VPS26C: variants seen among roughly 807,000 people sequenced by gnomAD.
VPS26C encodes VPS26 endosomal protein sorting factor C, also known as vacuolar protein sorting-associated protein 26C.
Under a neutral mutation model 30.6 loss-of-function variants are expected in VPS26C, and 19 were observed. That is an observed-to-expected ratio of 0.62 (90% CI 0.43 to 0.91). VPS26C has a LOEUF of 0.91. Among genes scored for constraint, VPS26C ranks in the 40% least tolerant of loss-of-function variants. VPS26C has a pLI of 0.00. For synonymous variants in VPS26C, 132 were observed against 151.5 expected (o/e 0.87, Z 0.95); for missense variants, 318 against 385.1 (o/e 0.83, Z 1.46).
intron 1 of VPS26C, among the ~76,000 whole-genome samples, chr21:37,251,402 C>CT (rs1242059816): frequency 6.6e-6 from 1 of 152,172 alleles, no homozygotes; most frequent in Admixed American, 6.5e-5. Context: ...CTTCATTTAT[C>CT]TTAAGAACTG....
intron 1 of VPS26C, among the ~76,000 whole-genome samples, chr21:37,258,922 C>T (rs554650971): frequency 2.0e-5 from 3 of 152,290 alleles, no homozygotes; most frequent in Admixed American, 6.5e-5. Flanking sequence ...CAGACAATCT[C>T]GGATAATTCT....
chr21:37,227,293 G>C (rs1479283511), intron 7 of VPS26C: 4 of 209,802 alleles, frequency 1.9e-5, no homozygotes, highest in Admixed American at 5.6e-5. Context: ...ACAGAGCTCA[G>C]CGTCACCTGC....
At chr21:37,238,754 G>C (rs2086051941) in intron 2 of VPS26C, 145 bp from the exon 3 acceptor site, 1 of 843,378 alleles carries the variant, frequency 1.2e-6, no homozygotes, top group Non-Finnish European at 1.8e-6. Context: ...TGGGTCTGGA[G>C]ATGAACAGTG....
At chr21:37,240,407 G>A (rs2086073034) in intron 2 of VPS26C, 89 bp downstream of exon 2, 2 of 1,461,790 alleles carry the variant, frequency 1.4e-6, no homozygotes, top group Non-Finnish European at 1.9e-6. Flanking sequence ...TTACAGGCCT[G>A]AGCCACTGCG....
rs1220291506 is a variant in VPS26C, at chr21:37,232,575, G to GT, written c.433-125_433-124insA. The GT allele has an allele frequency of 3.8e-6, 3 of 798,918 alleles. No homozygotes were observed. The African/African-American group carries it at 5.0e-5, about 13-fold the overall frequency. 49.5% of individuals were successfully genotyped at this position (798,918 alleles called of 1,614,324 possible). A position where few individuals can be genotyped will look rare whatever the true frequency, so the allele number is the denominator to read the frequency against. On this transcript the variant is annotated intron_variant, in intron 4 of 7. Coordinates refer to ENST00000309117, the MANE Select transcript of VPS26C (RefSeq NM_006052.2). ...CGATGCAGGAAGGACGGGGAACTAA[G>GT]AGGCGCAAGCCTGGGTCCTGAACAC... is the stretch of plus-strand genomic sequence containing the variant.
In VPS26C at chr21:37,265,004, A is replaced by G. The variant is rs567583391; in HGVS notation, c.57+2234T>C. ...GCTATGACAAGCATGAACACTGAAC[A>G]TTACTCGAAGTAAAAGAAGCCTGTC... On this transcript the variant is annotated intron_variant, in intron 1 of 7. Transcript: ENST00000309117. Among the ~76,000 whole-genome samples the G allele has an allele frequency of 8.5e-5, 13 of 152,356 alleles. No homozygotes were observed. In the East Asian group the frequency reaches 1.9e-3, roughly 23 times the overall value.
chr21:37,260,987 T>G (rs2086298230), intron 1 of VPS26C: 1 of 152,224 alleles, frequency 6.6e-6, no homozygotes, highest in Non-Finnish European at 1.5e-5. Flanking sequence ...TCTTCTGCAT[T>G]TTGTTTAAAT....
At chr21:37,258,588 G>A (rs2086271292) in intron 1 of VPS26C, among the ~76,000 whole-genome samples, 1 of 152,174 alleles carries the variant, frequency 6.6e-6, no homozygotes, top group African/African-American at 2.4e-5. Context: ...AGAAGGTGTA[G>A]GCTGCAGGTT....
In VPS26C at chr21:37,228,767, C is replaced by G. The variant is rs555768286; in HGVS notation, c.508-394G>C. ...AAAGTCCTGGCCAGGCACAGTGGCT[C>G]AGGCCCGTAATCCCAGGGCTTTGGG... On this transcript the variant is annotated intron_variant, in intron 5 of 7. Coordinates refer to ENST00000309117, the MANE Select transcript of VPS26C (RefSeq NM_006052.2). The G allele has an allele frequency of 1.4e-3, 232 of 167,266 alleles. 1 individual carries two copies. The highest frequency in any genetic ancestry group is 2.3e-3 in the Non-Finnish European group (180 of 77,298). The allele number at this position is 167,266 out of a possible 1,614,324, so 10.4% of individuals were successfully genotyped here. A position where few individuals can be genotyped will look rare whatever the true frequency, so the allele number is the denominator to read the frequency against.
intron 2 of VPS26C, among the ~76,000 whole-genome samples, chr21:37,239,465 AAC>A (rs2148291736): frequency 6.6e-6 from 1 of 152,378 alleles, no homozygotes; most frequent in South Asian, 2.1e-4. Flanking sequence ...TGACAAAAAC[AAC>A]AGTTACTTGC....
intron 2 of VPS26C, among the ~76,000 whole-genome samples, chr21:37,238,980 G>A (rs115304706): frequency 0.012 from 1,815 of 152,166 alleles, 38 homozygotes; most frequent in African/African-American, 0.04. Flanking sequence ...GTGAACCCAC[G>A]GCTCCCCCTC....
At chr21:37,264,997 A>C (rs2086343879) in intron 1 of VPS26C, among the ~76,000 whole-genome samples, 1 of 152,230 alleles carries the variant, frequency 6.6e-6, no homozygotes, top group Non-Finnish European at 1.5e-5. Flanking sequence ...AAGCATGAAC[A>C]CTGAACATTA....
chr21:37,238,482 T>A lies in VPS26C; in HGVS notation c.329A>T (p.His110Leu), dbSNP rs773451498. ...CACCTGAATGTTGACAAACACGCCATGATACGTCTCATACAGAACTTTGTT... is the reference window on the plus strand; with the variant it reads ...CACCTGAATGTTGACAAACACGCCAAGATACGTCTCATACAGAACTTTGTT... ...KGNKVLYETY[H>L]GVFVNIQYTL... Residue 110 changes from histidine to leucine, a missense_variant, in exon 3 of 8, where the codon CAT becomes CTT. Physicochemically the swap from His to Leu is moderately conservative, Grantham distance 99. Transcript: ENST00000309117. 1 of 1,614,160 alleles carries A rather than the reference T, an allele frequency of 6.2e-7. No individual in the cohort carries two copies. The highest frequency in any genetic ancestry group is 8.5e-7 in the Non-Finnish European group (1 of 1,180,022).
intron 1 of VPS26C, chr21:37,261,880 C>T (rs891493017): frequency 3.3e-5 from 5 of 151,928 alleles, no homozygotes; most frequent in African/African-American, 1.2e-4. Flanking sequence ...CTTCCAGTCT[C>T]CTCTCCAGCA....
intron 1 of VPS26C, chr21:37,266,896 A>C: frequency 2.5e-6 from 1 of 398,194 alleles, no homozygotes; most frequent in Non-Finnish European, 4.5e-6. Context: ...CTCCGCCCTC[A>C]GCGCTCACTG....
At chr21:37,265,122 G>T (rs941860269) in intron 1 of VPS26C, among the ~76,000 whole-genome samples, 3 of 152,204 alleles carry the variant, frequency 2.0e-5, no homozygotes, top group Non-Finnish European at 4.4e-5. Context: ...ACTGCCAGGG[G>T]TCAGGAGGGA....
intron 5 of VPS26C, 50 bp from the exon 6 acceptor site, chr21:37,228,423 G>T: frequency 6.2e-7 from 1 of 1,600,474 alleles, no homozygotes; most frequent in Non-Finnish European, 8.5e-7. Context: ...AGGGGGGAAA[G>T]TGCTCCATAC....
chr21:37,247,135 T>A (rs1234681017), intron 1 of VPS26C, among the ~76,000 whole-genome samples: 2 of 152,190 alleles, frequency 1.3e-5, no homozygotes, highest in Non-Finnish European at 2.9e-5. Context: ...ATTCAGGACC[T>A]TCCATTTCAA....
In VPS26C at chr21:37,255,459, T is replaced by A. The variant is rs1311783288; in HGVS notation, c.57+11779A>T. ...CATCACTGGAAAGCATGTGAGCCAA[T>A]GCTACTGGCCACCAGAGACCTGCCC... is the stretch of plus-strand genomic sequence containing the variant. On this transcript the variant is annotated intron_variant, in intron 1 of 7. Transcript: ENST00000309117. Among the ~76,000 whole-genome samples, 3 of 152,164 alleles carry A rather than the reference T, an allele frequency of 2.0e-5. No individual in the cohort carries two copies. In the East Asian group the frequency reaches 5.8e-4, roughly 29 times the overall value.
Sources: allele counts gnomAD v4.1 joint callset (sites outside exome capture counted in the v4.1 genomes callset), GRCh38; gene constraint gnomAD v4.1.1; transcripts MANE v1.5; gene names NCBI Gene and HGNC (gene_info 2026-07-23, HGNC 2026-07-21).